Variants in COMMD1 observed in about 807,000 individuals in gnomAD.
COMMD1 encodes COMM domain-containing protein 1.
A neutral mutation model predicts 17.2 loss-of-function variants in COMMD1; 10 were observed. The ratio of observed to expected loss-of-function variants is 0.58; its 90% confidence interval spans 0.36 to 0.99. COMMD1 has a LOEUF of 0.99. COMMD1 is among the 50% of genes least tolerant of loss of function. The probability of loss-of-function intolerance (pLI) is 0.01; values close to 1 mark genes in which losing one functional copy is unlikely to be tolerated. For synonymous variants in COMMD1, 97 were observed against 91.6 expected, an observed-to-expected ratio of 1.06 and a Z score of -0.34; for missense variants, 270 against 231.8, an observed-to-expected ratio of 1.17 and a Z score of -1.07.
At chr2:62,052,007 C>T (rs552910389) in intron 2 of COMMD1, among the ~76,000 whole-genome samples, 3 of 152,280 alleles carry the variant, frequency 2.0e-5, no homozygotes, top group African/African-American at 7.2e-5. Context: ...AGAGAATTAC[C>T]ATCCACTCTT....
chr2:62,074,072 G>A (rs899233202), intron 2 of COMMD1, among the ~76,000 whole-genome samples: 1 of 152,104 alleles, frequency 6.6e-6, no homozygotes, highest in Non-Finnish European at 1.5e-5. Context: ...AGCCAAATGA[G>A]GAAACAGGTA....
chr2:62,094,146 G>T (rs1051393376), intron 2 of COMMD1, among the ~76,000 whole-genome samples: 1 of 152,112 alleles, frequency 6.6e-6, no homozygotes. Flanking sequence ...AGTCATATTC[G>T]TCTTCCTCTT....
intron 2 of COMMD1, among the ~76,000 whole-genome samples, chr2:62,048,251 C>T (rs1329411652): frequency 3.4e-5 from 5 of 146,784 alleles, no homozygotes; most frequent in Non-Finnish European, 7.4e-5. Flanking sequence ...GGCGCGATCT[C>T]GGCTCACTGC....
At chr2:62,099,936 C>T (rs1183919998) in intron 2 of COMMD1, among the ~76,000 whole-genome samples, 1 of 152,078 alleles carries the variant, frequency 6.6e-6, no homozygotes, top group Non-Finnish European at 1.5e-5. Flanking sequence ...AGCTGAGGAA[C>T]TCACTCTCTC....
intron 1 of COMMD1, among the ~76,000 whole-genome samples, chr2:61,971,549 G>A (rs1037387743): frequency 6.6e-6 from 1 of 152,116 alleles, no homozygotes; most frequent in Non-Finnish European, 1.5e-5. Context: ...GAAAAAAGGT[G>A]TGTGTGTGGG....
chr2:61,905,540 C>T (rs1226174065), upstream of COMMD1: 9 of 776,498 alleles, frequency 1.2e-5, no homozygotes, highest in Admixed American at 2.9e-5. Context: ...TGTAAGCTGC[C>T]AACTCTGACC....
chr2:61,980,595 T>G (rs1671927366), intron 1 of COMMD1, among the ~76,000 whole-genome samples: 1 of 142,544 alleles, frequency 7.0e-6, no homozygotes, highest in African/African-American at 2.7e-5. Flanking sequence ...TTGATGGGGT[T>G]GTTTGTTTTT....
At chr2:62,098,992 C>T (rs147241528) in intron 2 of COMMD1, among the ~76,000 whole-genome samples, 1 of 152,136 alleles carries the variant, frequency 6.6e-6, no homozygotes, top group Non-Finnish European at 1.5e-5. Context: ...TGATTTGGTC[C>T]AGGGGCTATA....
At chr2:62,109,533 C>T (rs975178850) in intron 2 of COMMD1, among the ~76,000 whole-genome samples, 5 of 152,070 alleles carry the variant, frequency 3.3e-5, no homozygotes, top group African/African-American at 9.7e-5. Flanking sequence ...TTCTAAAAAC[C>T]CTATGAAGTG....
chr2:61,972,080 A>T (rs1671665099), intron 1 of COMMD1, among the ~76,000 whole-genome samples: 1 of 152,204 alleles, frequency 6.6e-6, no homozygotes, highest in Non-Finnish European at 1.5e-5. Context: ...AGATTGTGCC[A>T]CTGCACGCCA....
chr2:62,074,472 C>G (rs776976457), intron 2 of COMMD1, among the ~76,000 whole-genome samples: 1 of 152,188 alleles, frequency 6.6e-6, no homozygotes, highest in Non-Finnish European at 1.5e-5. Context: ...ATAACAAACA[C>G]ACTCGTGGTC....
intron 1 of COMMD1, among the ~76,000 whole-genome samples, chr2:61,971,421 T>C (rs1392828637): frequency 6.6e-6 from 1 of 152,132 alleles, no homozygotes; most frequent in Non-Finnish European, 1.5e-5. Context: ...TGTAATGAGC[T>C]AGAAAGTTAG....
intron 2 of COMMD1, among the ~76,000 whole-genome samples, chr2:62,005,580 G>C (rs936647625): frequency 2.0e-5 from 3 of 152,126 alleles, no homozygotes; most frequent in Non-Finnish European, 2.9e-5. Context: ...GTAGCCAAAA[G>C]ACACATGAAA....
At chr2:61,908,509 G>C (rs1432261771) in intron 1 of COMMD1, among the ~76,000 whole-genome samples, 1 of 152,094 alleles carries the variant, frequency 6.6e-6, no homozygotes, top group Non-Finnish European at 1.5e-5. Context: ...ACAGGCGTGA[G>C]CCACTGCACC....
At chr2:61,922,110 CTTCG>C (rs1670215185) in intron 1 of COMMD1, among the ~76,000 whole-genome samples, 1 of 152,110 alleles carries the variant, frequency 6.6e-6, no homozygotes, top group Admixed American at 6.5e-5. Context: ...ATGAGTAGGT[CTTCG>C]TTTTATAATG....
chr2:61,889,399 C>A (rs1669360080), intron 1 of COMMD1, among the ~76,000 whole-genome samples: 1 of 151,836 alleles, frequency 6.6e-6, no homozygotes, highest in Non-Finnish European at 1.5e-5. Context: ...CATAGCGAGA[C>A]TGGGTTTCGC....
chr2:62,061,984 CAA>C (rs59487576), intron 2 of COMMD1, among the ~76,000 whole-genome samples: 5,351 of 129,284 alleles, frequency 0.041, 148 homozygotes, highest in African/African-American at 0.077. Context: ...ACAGTTACAG[CAA>C]AAAAAAAAAA....
Position 62,062,678 on chromosome 2 carries a change from TA to T in COMMD1, c.462+61706del, listed in dbSNP as rs957080837. Among the ~76,000 whole-genome samples the T allele has an allele frequency of 1.8e-3, 272 of 149,752 alleles. 2 individuals carry two copies. Among genetic ancestry groups the T allele is most frequent in the African/African-American group, 5.4e-3 (219 of 40,860 alleles). ...AATCCATTACTTGCTAGTAAGAAAA[TA>T]AAAAAAAAATCTCTGTTCATTTATG... is the stretch of plus-strand genomic sequence containing the variant. On this transcript the variant is annotated intron_variant, in intron 2 of 2. Coordinates refer to ENST00000311832, the MANE Select transcript of COMMD1 (RefSeq NM_152516.4).
chr2:61,888,429 G>A (rs1276676396), upstream of COMMD1: 1 of 1,612,534 alleles, frequency 6.2e-7, no homozygotes. Flanking sequence ...GGCTTGTCGC[G>A]GTCCTGATAG....
Sources: gnomAD v4.1 joint callset for allele counts (sites outside exome capture counted in the v4.1 genomes callset) on GRCh38, gnomAD v4.1.1 for gene constraint, MANE v1.5 for transcripts, NCBI Gene and HGNC (gene_info 2026-07-23, HGNC 2026-07-21) for gene names.